Variants in KAZN observed in about 807,000 individuals in gnomAD.
The protein encoded by KAZN is kazrin, periplakin interacting protein.
A neutral mutation model predicts 87.4 loss-of-function variants in KAZN; 40 were observed. The observed-to-expected ratio is 0.46, with a 90% confidence interval of 0.36 to 0.60. KAZN has a LOEUF of 0.60. Ranked by LOEUF, KAZN falls within the 20% of genes least tolerant of loss-of-function variation. KAZN has a pLI of 0.00. For synonymous variants in KAZN, 466 were observed against 458.3 expected (o/e 1.02, Z -0.22); for missense variants, 898 against 1,073.9 (o/e 0.84, Z 2.29).
intron 2 of KAZN, among the ~76,000 whole-genome samples, chr1:14,438,798 A>G (rs1666542836): frequency 6.6e-6 from 1 of 152,222 alleles, no homozygotes; most frequent in South Asian, 2.1e-4. Flanking sequence ...GCTCACGATG[A>G]GCTTCCTAAA....
intron 1 of KAZN, among the ~76,000 whole-genome samples, chr1:14,903,173 CTT>C (rs1656126210): frequency 6.6e-6 from 1 of 152,096 alleles, no homozygotes; most frequent in South Asian, 2.1e-4. Context: ...CTGGCCGCCT[CTT>C]ATTTCTGTGG....
chr1:14,051,384 G>A (rs1642321389), intron 1 of KAZN, among the ~76,000 whole-genome samples: 1 of 152,210 alleles, frequency 6.6e-6, no homozygotes, highest in South Asian at 2.1e-4. Context: ...AGCTTGGTGA[G>A]GAGGGAGTCT....
At chr1:14,880,369 A>G (rs1653207234) in intron 1 of KAZN, among the ~76,000 whole-genome samples, 1 of 152,218 alleles carries the variant, frequency 6.6e-6, no homozygotes, top group African/African-American at 2.4e-5. Context: ...TAGTGGAGCT[A>G]GGATTTGCAC....
intron 1 of KAZN, among the ~76,000 whole-genome samples, chr1:14,110,148 A>G (rs1251396135): frequency 6.8e-6 from 1 of 147,054 alleles, no homozygotes; most frequent in African/African-American, 2.5e-5. Flanking sequence ...AAATGCATTT[A>G]GTCAGCAGGG....
rs75502990 is a variant in KAZN at position 14,718,693 on chromosome 1, T to G, written c.226+119470T>G. Among the ~76,000 whole-genome samples, 623 of 152,320 alleles carry G rather than the reference T, an allele frequency of 4.1e-3. 18 individuals carry two copies. The East Asian group carries it at 0.06, about 15-fold the overall frequency. On this transcript the variant is annotated intron_variant, in intron 1 of 14. Coordinates refer to ENST00000376030, the MANE Select transcript of KAZN (RefSeq NM_201628.3). ...CGCGGGCAGTGCCAAGGACCTCACA[T>G]GGCGAATGTCACTGGCCTTCTGGAT...
At chr1:14,257,218 C>T (rs1327141321) in intron 2 of KAZN, among the ~76,000 whole-genome samples, 2 of 151,804 alleles carry the variant, frequency 1.3e-5, no homozygotes, top group African/African-American at 4.8e-5. Flanking sequence ...CTCTGATGGC[C>T]AGTGATGATG....
chr1:14,985,222 T>C (rs1037349635), intron 2 of KAZN, among the ~76,000 whole-genome samples: 1 of 149,684 alleles, frequency 6.7e-6, no homozygotes, highest in Non-Finnish European at 1.5e-5. Context: ...GCCTGGTGGC[T>C]CACGCCTATA....
chr1:14,999,008 T>C (rs977506640), intron 2 of KAZN, among the ~76,000 whole-genome samples: 1 of 152,254 alleles, frequency 6.6e-6, no homozygotes, highest in African/African-American at 2.4e-5. Context: ...TATTTGTCAT[T>C]AATTTAAACA....
At chr1:14,958,185 C>T (rs556785806) in intron 1 of KAZN, among the ~76,000 whole-genome samples, 62 of 152,326 alleles carry the variant, frequency 4.1e-4, no homozygotes, top group African/African-American at 1.5e-3. Flanking sequence ...GTTGTAGTGC[C>T]TTAGAGATTG....
intron 1 of KAZN, among the ~76,000 whole-genome samples, chr1:14,096,556 T>C (rs947166413): frequency 2.6e-5 from 4 of 152,218 alleles, no homozygotes; most frequent in African/African-American, 9.7e-5. Flanking sequence ...AGGAGAATGG[T>C]GACAATATCT....
chr1:14,920,248 A>T (rs1166540101), intron 1 of KAZN, among the ~76,000 whole-genome samples: 4 of 140,260 alleles, frequency 2.9e-5, no homozygotes, highest in Non-Finnish European at 3.1e-5. Flanking sequence ...TGGGACCTGC[A>T]CTTTTTTCTG....
chr1:14,465,659 A>G (rs1187742049), intron 2 of KAZN, among the ~76,000 whole-genome samples: 1 of 152,136 alleles, frequency 6.6e-6, no homozygotes, highest in East Asian at 1.9e-4. Flanking sequence ...TGGCCAAACA[A>G]GTCACTGAGG....
At chr1:15,084,857 T>C (rs960704854) in intron 8 of KAZN, among the ~76,000 whole-genome samples, 44 of 152,304 alleles carry the variant, frequency 2.9e-4, no homozygotes, top group African/African-American at 9.6e-4. Flanking sequence ...CAAAAACAAA[T>C]AGCAAATTTA....
At chr1:14,241,386 C>T (rs1189751951) in intron 2 of KAZN, among the ~76,000 whole-genome samples, 1 of 152,226 alleles carries the variant, frequency 6.6e-6, no homozygotes, top group East Asian at 1.9e-4. Flanking sequence ...CCTCCTCTTC[C>T]TTCACCAGAC....
chr1:14,620,544 G>C lies in KAZN; in HGVS notation c.226+21321G>C, dbSNP rs536186595. On this transcript the variant is annotated intron_variant, in intron 1 of 14. Transcript: ENST00000376030. ...GGGAGCCCTGTTGGATAGATTTGGG[G>C]CACATGTTGTCCAGAGGAGATTTGT... Among the ~76,000 whole-genome samples the C allele has an allele frequency of 1.2e-3, 181 of 152,306 alleles. 2 individuals are homozygous for C. Among genetic ancestry groups the C allele is most frequent in the African/African-American group, 4.1e-3 (171 of 41,562 alleles).
intron 1 of KAZN, among the ~76,000 whole-genome samples, chr1:14,703,351 G>T (rs1219637984): frequency 6.6e-6 from 1 of 152,166 alleles, no homozygotes; most frequent in Non-Finnish European, 1.5e-5. Flanking sequence ...ATTGAATCAT[G>T]GGAGCAGTTT....
intron 1 of KAZN, among the ~76,000 whole-genome samples, chr1:14,635,927 T>TGGTTTTACCCCATTGGCA (rs1679946857): frequency 6.6e-6 from 1 of 152,232 alleles, no homozygotes; most frequent in Non-Finnish European, 1.5e-5. Flanking sequence ...ACACATTGAC[T>TGGTTTTACCCCATTGGCA]GGTTTTACCC....
At chr1:14,352,241 G>A (rs1400663071) in intron 2 of KAZN, among the ~76,000 whole-genome samples, 1 of 151,992 alleles carries the variant, frequency 6.6e-6, no homozygotes, top group African/African-American at 2.4e-5. Flanking sequence ...ACACAGAATC[G>A]GATCAGCAGC....
At chr1:14,410,418 G>A (rs957057130) in intron 2 of KAZN, among the ~76,000 whole-genome samples, 2 of 152,112 alleles carry the variant, frequency 1.3e-5, no homozygotes, top group Non-Finnish European at 2.9e-5. Context: ...ACTTTTAATA[G>A]GAGTTCCAGA....
Sources: gnomAD v4.1 joint callset for allele counts (sites outside exome capture counted in the v4.1 genomes callset) on GRCh38, gnomAD v4.1.1 for gene constraint, MANE v1.5 for transcripts, NCBI Gene and HGNC (gene_info 2026-07-23, HGNC 2026-07-21) for gene names.